The following GALNT13 variants were observed in gnomAD, a reference collection of about 807,000 sequenced individuals.
GALNT13 encodes polypeptide N-acetylgalactosaminyltransferase 13, also known as UDP-GalNAc:polypeptide N-acetylgalactosaminyltransferase 13.
GALNT13 carries 28 observed loss-of-function variants against 64.2 expected under a neutral mutation model. That is an observed-to-expected ratio of 0.44 (90% CI 0.32 to 0.60). GALNT13 has a LOEUF of 0.60. Ranked by LOEUF, GALNT13 falls within the 20% of genes least tolerant of loss-of-function variation. The probability of loss-of-function intolerance (pLI) is 0.05; values close to 1 mark genes in which losing one functional copy is unlikely to be tolerated. For synonymous variants in GALNT13, 214 were observed against 224.6 expected (o/e 0.95, Z 0.42); for missense variants, 577 against 669.8 (o/e 0.86, Z 1.53).
the GALNT13 span, among the ~76,000 whole-genome samples, chr2:153,097,036 G>GA: frequency 4.6e-5 from 7 of 151,878 alleles, no homozygotes; most frequent in African/African-American, 1.7e-4. Flanking sequence ...TGTGTTCGTT[G>GA]TATGTTTTTT....
chr2:154,217,182 C>A (rs1049908588), intron 4 of GALNT13, among the ~76,000 whole-genome samples: 1 of 152,010 alleles, frequency 6.6e-6, no homozygotes, highest in Non-Finnish European at 1.5e-5. Flanking sequence ...TATACCCTAT[C>A]ATTTGCCTTA....
the GALNT13 span, among the ~76,000 whole-genome samples, chr2:153,155,463 A>G: frequency 4.0e-4 from 61 of 152,152 alleles, no homozygotes; most frequent in African/African-American, 1.4e-3. Flanking sequence ...GGGTGTTTGT[A>G]TCCAGGAATT....
chr2:154,397,706 G>A (rs917518900), intron 10 of GALNT13, among the ~76,000 whole-genome samples: 12 of 152,086 alleles, frequency 7.9e-5, no homozygotes, highest in Non-Finnish European at 1.5e-4. Flanking sequence ...ACTGATTTAA[G>A]TGCCATATTC....
intron 9 of GALNT13, among the ~76,000 whole-genome samples, chr2:154,378,668 G>A (rs183167787): frequency 2.1e-3 from 319 of 151,890 alleles, no homozygotes; most frequent in African/African-American, 6.8e-3. Flanking sequence ...CTCCCCTCCC[G>A]ATTCTCTGGT....
intron 4 of GALNT13, among the ~76,000 whole-genome samples, chr2:154,156,247 A>G (rs936131177): frequency 6.6e-6 from 1 of 152,046 alleles, no homozygotes; most frequent in African/African-American, 2.4e-5. Context: ...ATGGCGTTGA[A>G]TTTCACCATA....
chr2:154,256,186 A>G (rs1185116243), intron 7 of GALNT13, among the ~76,000 whole-genome samples: 1 of 152,190 alleles, frequency 6.6e-6, no homozygotes, highest in African/African-American at 2.4e-5. Context: ...ACATCTTATT[A>G]CTTTCCCAGT....
the GALNT13 span, among the ~76,000 whole-genome samples, chr2:153,696,851 T>G: frequency 6.3e-4 from 96 of 152,150 alleles, 1 homozygote; most frequent in Non-Finnish European, 4.4e-4. Context: ...CTTTCTTGCC[T>G]TCTCTCTTTT....
chr2:153,725,394 CATGTATACAT>C, the GALNT13 span, among the ~76,000 whole-genome samples: 54 of 150,352 alleles, frequency 3.6e-4, no homozygotes, highest in Admixed American at 9.3e-4. Context: ...CAGCATGGCA[CATGTATACAT>C]ATGTAACTAA....
chr2:153,107,796 T>C, the GALNT13 span, among the ~76,000 whole-genome samples: 1 of 152,146 alleles, frequency 6.6e-6, no homozygotes, highest in African/African-American at 2.4e-5. Context: ...TAGCTCCACA[T>C]TGCAGGGAGA....
At chr2:153,297,820 A>T in the GALNT13 span, among the ~76,000 whole-genome samples, 1 of 152,232 alleles carries the variant, frequency 6.6e-6, no homozygotes, top group Non-Finnish European at 1.5e-5. Context: ...TTTTGTAGAT[A>T]GCAAGAGCAG....
chr2:154,283,684 C>T (rs956363490), intron 8 of GALNT13, among the ~76,000 whole-genome samples: 1 of 151,182 alleles, frequency 6.6e-6, no homozygotes, highest in Middle Eastern at 3.4e-3. Context: ...ATACAAAATA[C>T]ACACACACAT....
chr2:153,574,004 T>C, the GALNT13 span, among the ~76,000 whole-genome samples: 61 of 152,154 alleles, frequency 4.0e-4, no homozygotes, highest in East Asian at 6.2e-3. Context: ...GTACTCCCTT[T>C]AGTATTTCTT....
chr2:154,253,783 T>C (rs187789439), intron 7 of GALNT13, among the ~76,000 whole-genome samples: 3 of 152,334 alleles, frequency 2.0e-5, no homozygotes, highest in South Asian at 2.1e-4. Flanking sequence ...AGAAATAAAA[T>C]TGCAGATAAT....
the GALNT13 span, among the ~76,000 whole-genome samples, chr2:153,853,719 A>T: frequency 1.3e-5 from 2 of 150,174 alleles, no homozygotes; most frequent in Non-Finnish European, 1.5e-5. Context: ...ATAATTATAT[A>T]TTACAATTGT....
chr2:154,354,093 G>C (rs1696573958), intron 9 of GALNT13, among the ~76,000 whole-genome samples: 1 of 152,232 alleles, frequency 6.6e-6, no homozygotes, highest in East Asian at 1.9e-4. Context: ...TCATTGATAA[G>C]AGCCATATTA....
the GALNT13 span, among the ~76,000 whole-genome samples, chr2:153,154,111 C>G: frequency 5.3e-5 from 8 of 152,012 alleles, no homozygotes; most frequent in African/African-American, 1.9e-4. Flanking sequence ...AGATCTTTTA[C>G]CTCCTGATAT....
At chr2:154,446,831 G>T in intron 12 of GALNT13, 3 of 1,403,086 alleles carry the variant, frequency 2.1e-6, no homozygotes, top group Middle Eastern at 2.5e-4. Context: ...TTGAAATCTG[G>T]AAACTCCTTT....
At chr2:153,756,588 T>A in the GALNT13 span, among the ~76,000 whole-genome samples, 1 of 152,106 alleles carries the variant, frequency 6.6e-6, no homozygotes, top group Non-Finnish European at 1.5e-5. Context: ...TTGCCTCAAA[T>A]ACCTTATTTT....
At chr2:153,183,923 CT>C in the GALNT13 span, among the ~76,000 whole-genome samples, 2 of 152,176 alleles carry the variant, frequency 1.3e-5, no homozygotes, top group East Asian at 3.9e-4. Flanking sequence ...CAGCTTTGTT[CT>C]TTTTGCTTTG....
Sources: gnomAD v4.1 joint callset for allele counts (sites outside exome capture counted in the v4.1 genomes callset) on GRCh38, gnomAD v4.1.1 for gene constraint, MANE v1.5 for transcripts, NCBI Gene and HGNC (gene_info 2026-07-23, HGNC 2026-07-21) for gene names.